The following ACOXL variants were observed in gnomAD, a reference collection of about 807,000 sequenced individuals.
The protein encoded by ACOXL is acyl-CoA oxidase like.
ACOXL carries 70 observed loss-of-function variants against 71.9 expected under a neutral mutation model. The ratio of observed to expected loss-of-function variants is 0.97; its 90% CI spans 0.80 to 1.19. The LOEUF is 1.19. ACOXL is among the 50% of genes most tolerant of loss of function. The pLI, the probability that ACOXL is intolerant of heterozygous loss-of-function variation, is 0.00. For synonymous variants in ACOXL, 253 were observed against 281.6 expected (o/e 0.90, Z 1.02); for missense variants, 703 against 736.3 (o/e 0.95, Z 0.52).
chr2:111,073,658 A>G (rs1049535663), intron 16 of ACOXL, among the ~76,000 whole-genome samples: 12 of 152,220 alleles, frequency 7.9e-5, no homozygotes, highest in Admixed American at 2.6e-4. Flanking sequence ...CTTCATTAGT[A>G]TAACTTTATA....
chr2:110,920,635 C>T (rs1187090108), intron 11 of ACOXL, among the ~76,000 whole-genome samples: 1 of 151,896 alleles, frequency 6.6e-6, no homozygotes, highest in African/African-American at 2.4e-5. Context: ...TGTCAGCTCT[C>T]TAATGTTCTT....
chr2:111,067,840 G>A lies in ACOXL; in HGVS notation c.1440+18552G>A, dbSNP rs76886911. Among the ~76,000 whole-genome samples the A allele has an allele frequency of 3.8e-3, 585 of 152,350 alleles. 8 individuals carry two copies. In the East Asian group the frequency reaches 0.046, roughly 12 times the overall value. On this transcript the variant is annotated intron_variant, in intron 16 of 17. Transcript: ENST00000439055. Reference sequence around the variant, plus strand: ...GGCCTTGGGAAGTCCAGGGGAGGGGGAAATGGCCCTGCTTTCAGGGAGCTC... The same window carrying A: ...GGCCTTGGGAAGTCCAGGGGAGGGGAAAATGGCCCTGCTTTCAGGGAGCTC...
intron 1 of ACOXL, among the ~76,000 whole-genome samples, chr2:110,748,834 G>A (rs995985487): frequency 2.0e-5 from 3 of 152,306 alleles, no homozygotes; most frequent in South Asian, 4.1e-4. Context: ...CTGCTTGGCC[G>A]TGGTTTCACC....
chr2:110,957,196 A>G (rs79651088), intron 12 of ACOXL, among the ~76,000 whole-genome samples: 18 of 152,084 alleles, frequency 1.2e-4, no homozygotes, highest in African/African-American at 4.3e-4. Context: ...CCCACCAAGA[A>G]TATACAAACA....
intron 10 of ACOXL, among the ~76,000 whole-genome samples, chr2:110,852,789 A>G (rs1692777399): frequency 6.6e-6 from 1 of 151,772 alleles, no homozygotes; most frequent in South Asian, 2.1e-4. Context: ...CTTCCTGTTG[A>G]GGTTGGTAGA....
At chr2:110,746,917 CT>C (rs1203926089) in intron 1 of ACOXL, among the ~76,000 whole-genome samples, 1 of 151,954 alleles carries the variant, frequency 6.6e-6, no homozygotes, top group East Asian at 1.9e-4. Flanking sequence ...TCTTATCAGC[CT>C]GCCCAGCTAC....
intron 11 of ACOXL, among the ~76,000 whole-genome samples, chr2:110,926,795 C>A (rs1489024486): frequency 1.3e-5 from 2 of 152,082 alleles, no homozygotes; most frequent in Non-Finnish European, 2.9e-5. Context: ...TCATCTCTCC[C>A]CGACCATCCC....
chr2:110,842,391 C>G (rs1454148779), intron 10 of ACOXL, among the ~76,000 whole-genome samples: 1 of 152,152 alleles, frequency 6.6e-6, no homozygotes, highest in Non-Finnish European at 1.5e-5. Flanking sequence ...GAAAGAAATA[C>G]ATTTTCCTGG....
intron 10 of ACOXL, among the ~76,000 whole-genome samples, chr2:110,861,531 C>T (rs1437053912): frequency 6.6e-6 from 1 of 152,080 alleles, no homozygotes; most frequent in Non-Finnish European, 1.5e-5. Context: ...CACATAGGTT[C>T]TGCTTCTTGA....
At chr2:110,797,493 T>C (rs1184764055) in intron 5 of ACOXL, among the ~76,000 whole-genome samples, 3 of 152,144 alleles carry the variant, frequency 2.0e-5, no homozygotes, top group Admixed American at 6.5e-5. Flanking sequence ...TTTATAAAAA[T>C]AAAAATTGGG....
Position 110,784,823 on chromosome 2 carries a change from G to A in ACOXL, c.159+8G>A, listed in dbSNP as rs1453533422. 1.9e-6 allele frequency: 3 copies of A among 1,593,884 alleles called. No individual in the cohort carries two copies. The highest frequency in any genetic ancestry group is 1.4e-5 in the African/African-American group (1 of 73,488). ...ATGGCCACAGGAGTGAAGGTGAGAG[G>A]CGCCGGGCACCTGCCCTTCATGAAT... On this transcript the variant is annotated splice_region_variant and intron_variant, in intron 3 of 17. Transcript: ENST00000439055.
intron 1 of ACOXL, among the ~76,000 whole-genome samples, chr2:110,749,758 A>G (rs768109391): frequency 2.0e-5 from 3 of 152,136 alleles, no homozygotes; most frequent in Non-Finnish European, 2.9e-5. Flanking sequence ...ATTAAACTCT[A>G]GACTTGGTTT....
At chr2:111,095,476 C>T (rs936608582) in intron 17 of ACOXL, among the ~76,000 whole-genome samples, 6 of 147,576 alleles carry the variant, frequency 4.1e-5, no homozygotes, top group South Asian at 2.1e-4. Flanking sequence ...AGTGCCACCT[C>T]GGCCTCCCGG....
chr2:110,822,051 C>T (rs970770993), intron 9 of ACOXL, among the ~76,000 whole-genome samples: 8 of 151,674 alleles, frequency 5.3e-5, no homozygotes, highest in African/African-American at 1.9e-4. Flanking sequence ...TTTTGTCTGC[C>T]CTAGGCCCTT....
intron 10 of ACOXL, among the ~76,000 whole-genome samples, chr2:110,865,377 T>A (rs544414198): frequency 6.6e-6 from 1 of 152,332 alleles, no homozygotes; most frequent in South Asian, 2.1e-4. Flanking sequence ...CCTTTCGTTT[T>A]TACTTTGCCT....
In ACOXL at chr2:111,118,043, C is replaced by G. The variant is rs886191771; in HGVS notation, c.*227C>G. The stretch of plus-strand genomic sequence containing the variant: ...TGCGCTGGATCCCTGTGCCCTTTCC[C>G]TGAAACCCAGCCTGGCCTGACTGCA... On this transcript the variant is annotated 3_prime_UTR_variant, in exon 18 of 18. Coordinates refer to ENST00000439055, the MANE Select transcript of ACOXL (RefSeq NM_001142807.4). The G allele has an allele frequency of 1.5e-5, 9 of 604,594 alleles. No homozygotes were observed. Among genetic ancestry groups the G allele is most frequent in the Non-Finnish European group, 2.6e-5 (9 of 345,184 alleles). 37.5% of individuals were successfully genotyped at this position (604,594 alleles called of 1,614,324 possible). A position where few individuals can be genotyped will look rare whatever the true frequency, so the allele number is the denominator to read the frequency against.
In ACOXL at chr2:111,113,565, A is replaced by G. The variant is rs148119615; in HGVS notation, c.1543-4051A>G. ...TGGCCCTCCGGGATGGAATGTGGAA[A>G]GCATAGATACTGCACAGCAGAGATG... On this transcript the variant is annotated intron_variant, in intron 17 of 17. Transcript: ENST00000439055. Among the ~76,000 whole-genome samples, 47 of 152,370 alleles carry G rather than the reference A, an allele frequency of 3.1e-4. No individual in the cohort carries two copies. In the East Asian group the frequency reaches 9.1e-3, roughly 29 times the overall value.
intron 1 of ACOXL, among the ~76,000 whole-genome samples, chr2:110,766,364 C>T (rs532017855): frequency 6.6e-6 from 1 of 152,216 alleles, no homozygotes; most frequent in Non-Finnish European, 1.5e-5. Context: ...TCCAGGTGGC[C>T]ATGTATATTC....
intron 12 of ACOXL, 34 bp downstream of exon 12, chr2:110,933,676 C>T: frequency 1.9e-6 from 3 of 1,587,120 alleles, no homozygotes; most frequent in Non-Finnish European, 1.7e-6. Context: ...CCGTGGGTCC[C>T]CACGATACAA....
Sources: allele counts gnomAD v4.1 joint callset (sites outside exome capture counted in the v4.1 genomes callset), GRCh38; gene constraint gnomAD v4.1.1; transcripts MANE v1.5; gene names NCBI Gene and HGNC (gene_info 2026-07-23, HGNC 2026-07-21).